The following PPARGC1A variants were observed in gnomAD, a reference collection of about 807,000 sequenced individuals.
PPARGC1A encodes PPARG coactivator 1 alpha, also known as peroxisome proliferator-activated receptor gamma coactivator 1-alpha.
A neutral mutation model predicts 88.7 loss-of-function variants in PPARGC1A; 25 were observed. The ratio of observed to expected loss-of-function variants is 0.28; its 90% CI spans 0.21 to 0.39. The LOEUF is 0.39. Ranked by LOEUF, PPARGC1A falls within the 10% of genes least tolerant of loss-of-function variation. The pLI is 1.00. For synonymous variants in PPARGC1A, 363 were observed against 355.6 expected (o/e 1.02, Z -0.24); for missense variants, 880 against 968.7 (o/e 0.91, Z 1.22).
At chr4:24,002,495 C>G in the PPARGC1A span, among the ~76,000 whole-genome samples, 1 of 152,084 alleles carries the variant, frequency 6.6e-6, no homozygotes, top group Admixed American at 6.5e-5. Flanking sequence ...AATTACTAAT[C>G]TCCTTGCAAT....
At chr4:23,930,391 C>T in the PPARGC1A span, among the ~76,000 whole-genome samples, 1 of 152,114 alleles carries the variant, frequency 6.6e-6, no homozygotes, top group African/African-American at 2.4e-5. Flanking sequence ...GGAGTAACGC[C>T]TTCTGACCAC....
chr4:23,925,663 C>T, the PPARGC1A span, among the ~76,000 whole-genome samples: 5 of 152,068 alleles, frequency 3.3e-5, no homozygotes, highest in African/African-American at 1.2e-4. Context: ...CAGGCCAGGA[C>T]TCACAGGAAA....
At chr4:24,316,473 G>A in the PPARGC1A span, among the ~76,000 whole-genome samples, 1 of 152,196 alleles carries the variant, frequency 6.6e-6, no homozygotes, top group African/African-American at 2.4e-5. Flanking sequence ...GCAGGATTAG[G>A]CTGCTGAGGA....
intron 2 of PPARGC1A, among the ~76,000 whole-genome samples, chr4:23,843,301 G>A (rs1454068519): frequency 6.6e-6 from 1 of 151,966 alleles, no homozygotes; most frequent in Non-Finnish European, 1.5e-5. Context: ...ATTTGAAATA[G>A]GCAGTGAGGC....
At chr4:24,342,339 G>A in the PPARGC1A span, among the ~76,000 whole-genome samples, 1 of 152,116 alleles carries the variant, frequency 6.6e-6, no homozygotes, top group African/African-American at 2.4e-5. Context: ...GTGTTGGTGT[G>A]TAATCTTCAT....
the PPARGC1A span, among the ~76,000 whole-genome samples, chr4:24,317,682 C>CTGGA: frequency 2.8e-5 from 4 of 140,564 alleles, no homozygotes; most frequent in Non-Finnish European, 4.6e-5. Flanking sequence ...AGTTGTAGGG[C>CTGGA]TGGATTTTTT....
the PPARGC1A span, among the ~76,000 whole-genome samples, chr4:24,031,389 T>A: frequency 6.6e-6 from 1 of 152,192 alleles, no homozygotes; most frequent in Non-Finnish European, 1.5e-5. Flanking sequence ...CCCAACTCCC[T>A]GTCACCAAGC....
At chr4:24,159,083 A>C in the PPARGC1A span, among the ~76,000 whole-genome samples, 3 of 152,216 alleles carry the variant, frequency 2.0e-5, no homozygotes, top group South Asian at 6.2e-4. Flanking sequence ...CATTTGCTGA[A>C]TGCTGGCTTT....
upstream of PPARGC1A, among the ~76,000 whole-genome samples, chr4:23,904,830 C>T (rs563285677): frequency 4.6e-5 from 7 of 152,324 alleles, no homozygotes; most frequent in Admixed American, 1.3e-4. Flanking sequence ...CACCCCATAA[C>T]GTGTGTATAA....
chr4:24,430,513 G>A, the PPARGC1A span, among the ~76,000 whole-genome samples: 89 of 151,738 alleles, frequency 5.9e-4, 1 homozygote, highest in Admixed American at 2.6e-3. Context: ...CCCCTGCCTC[G>A]GCCTCCCAAA....
At chr4:23,963,646 A>G in the PPARGC1A span, among the ~76,000 whole-genome samples, 6 of 152,164 alleles carry the variant, frequency 3.9e-5, no homozygotes, top group South Asian at 1.2e-3. Context: ...TTTTACCTCA[A>G]ACCCTAGAGA....
chr4:24,274,164 G>A, the PPARGC1A span, among the ~76,000 whole-genome samples: 1 of 152,126 alleles, frequency 6.6e-6, no homozygotes, highest in African/African-American at 2.4e-5. Context: ...TAGTTGGACT[G>A]ATTTTACAGT....
chr4:24,277,729 G>A, the PPARGC1A span, among the ~76,000 whole-genome samples: 1,509 of 152,116 alleles, frequency 9.9e-3, 26 homozygotes, highest in African/African-American at 0.035. Context: ...AATCAGCTAC[G>A]AACATTAACA....
At chr4:24,199,743 T>C in the PPARGC1A span, among the ~76,000 whole-genome samples, 2 of 152,178 alleles carry the variant, frequency 1.3e-5, no homozygotes, top group African/African-American at 4.8e-5. Flanking sequence ...ACAGAAGCGG[T>C]CATTCCCCTG....
the PPARGC1A span, among the ~76,000 whole-genome samples, chr4:24,091,910 G>A: frequency 1.4e-4 from 19 of 132,362 alleles, no homozygotes; most frequent in East Asian, 4.6e-4. Context: ...GTGTGCTCCC[G>A]TCTTCTCCTT....
chr4:24,353,647 T>G, the PPARGC1A span, among the ~76,000 whole-genome samples: 71 of 152,136 alleles, frequency 4.7e-4, 1 homozygote, highest in African/African-American at 1.6e-3. Flanking sequence ...GTTGTGAGAG[T>G]TAAGTAAGAT....
chr4:24,027,861 C>T, the PPARGC1A span, among the ~76,000 whole-genome samples: 2 of 152,136 alleles, frequency 1.3e-5, no homozygotes, highest in African/African-American at 4.8e-5. Context: ...CCTTTTTCCA[C>T]CTTGCAACAT....
the PPARGC1A span, among the ~76,000 whole-genome samples, chr4:24,019,342 GT>G: frequency 0.02 from 3,057 of 152,150 alleles, 97 homozygotes; most frequent in African/African-American, 0.071. Flanking sequence ...TTCATACATT[GT>G]CTCATTTAAT....
chr4:24,130,417 C>G, the PPARGC1A span, among the ~76,000 whole-genome samples: 1 of 152,172 alleles, frequency 6.6e-6, no homozygotes, highest in African/African-American at 2.4e-5. Flanking sequence ...GTTCCCATTT[C>G]TCCAGCCCAT....
Sources: allele counts gnomAD v4.1 joint callset (sites outside exome capture counted in the v4.1 genomes callset), GRCh38; gene constraint gnomAD v4.1.1; transcripts MANE v1.5; gene names NCBI Gene and HGNC (gene_info 2026-07-23, HGNC 2026-07-21).